The following BCAS3 variants were observed in gnomAD, a reference collection of about 807,000 sequenced individuals.
BCAS3 encodes the protein BCAS3 microtubule associated cell migration factor, also known as BCAS4/BCAS3 fusion.
BCAS3 carries 53 observed loss-of-function variants against 116.1 expected under a neutral mutation model. The observed-to-expected ratio is 0.46, with a 90% CI of 0.37 to 0.57. The LOEUF is 0.57. Among genes scored for constraint, BCAS3 ranks in the 20% least tolerant of loss-of-function variants. BCAS3 has a pLI of 0.00. For synonymous variants in BCAS3, 391 were observed against 408.2 expected, an observed-to-expected ratio of 0.96 and a Z score of 0.51; for missense variants, 917 against 1,165.4, an observed-to-expected ratio of 0.79 and a Z score of 3.10.
Position 61,063,651 on chromosome 17 carries a change from C to A in BCAS3, c.2030-11269C>A, listed in dbSNP as rs1600889304. ...CCATTGAAAGCTTTGCTGTAGTCTG[C>A]AGCTGATCTGGGTGCAATGCTTTAG... On this transcript the variant is annotated intron_variant, in intron 19 of 23. Coordinates refer to ENST00000407086, the MANE Select transcript of BCAS3 (RefSeq NM_017679.5). The surrounding 1 kb of genome is among the most constrained non-coding windows in gnomAD (Gnocchi z 5.3). Among the ~76,000 whole-genome samples, 1 of 152,180 alleles carries A rather than the reference C, an allele frequency of 6.6e-6. No homozygotes were observed. The highest frequency in any genetic ancestry group is 2.4e-5 in the African/African-American group (1 of 41,458).
At position 61,056,724 on chromosome 17, in the gene BCAS3, G is replaced by T. The variant is rs1246315122; in HGVS notation, c.2029+15832G>T. On this transcript the variant is annotated intron_variant, in intron 19 of 23. Transcript: ENST00000407086. This position sits in a 1 kb window ranked among gnomAD's most constrained non-coding sequence, Gnocchi z 4.9. ...GCCATCCTGTCCAGGAGACCCAGGGGTTTTATTATAACAAAATGGTTTTCC... is the reference window on the plus strand; with the variant it reads ...GCCATCCTGTCCAGGAGACCCAGGGTTTTTATTATAACAAAATGGTTTTCC... Among the ~76,000 whole-genome samples the T allele has an allele frequency of 6.6e-6, 1 of 152,144 alleles. No individual in the cohort carries two copies. Among genetic ancestry groups the T allele is most frequent in the Non-Finnish European group, 1.5e-5 (1 of 68,036 alleles).
intron 22 of BCAS3, among the ~76,000 whole-genome samples, chr17:61,195,955 T>C (rs1213081174): frequency 6.6e-6 from 1 of 152,230 alleles, no homozygotes; most frequent in Non-Finnish European, 1.5e-5. Context: ...CTTTTTGTGC[T>C]GTTAAAGTAT....
intron 22 of BCAS3, among the ~76,000 whole-genome samples, chr17:61,127,353 T>C (rs2143844286): frequency 1.3e-5 from 2 of 151,854 alleles, no homozygotes; most frequent in Admixed American, 1.3e-4. Context: ...AAGAGTGTTT[T>C]CTCGTGTAAG....
chr17:61,380,181 GA>G lies in BCAS3; in HGVS notation c.2593+11691del. The stretch of plus-strand genomic sequence containing the variant: ...AATCCACGGAAGCTGAGAGGAGGAA[GA>G]AAATCTGAGGGGTTACCCAGGATGC... On this transcript the variant is annotated intron_variant, in intron 23 of 23. Transcript: ENST00000407086. This position sits in a 1 kb window ranked among gnomAD's most constrained non-coding sequence, Gnocchi z 4.2. 3.2e-6 allele frequency: 1 copy of G among 315,870 alleles called. No homozygotes were observed. The highest frequency in any genetic ancestry group is 4.2e-5 in the South Asian group (1 of 23,660). 19.6% of individuals were successfully genotyped at this position (315,870 alleles called of 1,614,324 possible). A position where few individuals can be genotyped will look rare whatever the true frequency, so the allele number is the denominator to read the frequency against.
intron 5 of BCAS3, among the ~76,000 whole-genome samples, chr17:60,737,770 T>C (rs571604654): frequency 5.3e-5 from 8 of 151,920 alleles, no homozygotes; most frequent in African/African-American, 1.4e-4. Flanking sequence ...TCTGTTCTTT[T>C]ATTTTTTATT....
chr17:60,988,963 G>A (rs1568049076), intron 14 of BCAS3, among the ~76,000 whole-genome samples: 1 of 151,506 alleles, frequency 6.6e-6, no homozygotes, highest in Non-Finnish European at 1.5e-5. Flanking sequence ...TCTTTAAGAT[G>A]CATTGTTAGA....
At chr17:60,760,351 T>G (rs988125834) in intron 6 of BCAS3, among the ~76,000 whole-genome samples, 2 of 152,174 alleles carry the variant, frequency 1.3e-5, no homozygotes, top group Non-Finnish European at 2.9e-5. Context: ...CTTTCATGTT[T>G]AGGACTCCTT....
chr17:61,059,063 CTTTTTTTTTTTTTTTTTTTTTT>C (rs869090870), intron 19 of BCAS3, among the ~76,000 whole-genome samples: 7 of 32,802 alleles, frequency 2.1e-4, no homozygotes, highest in African/African-American at 2.9e-4. Context: ...TTCTCCCCAT[CTTTTTTTTTTTTTTTTTTTTTT>C]TTTTTTTTTT....
chr17:61,046,047 A>T (rs1282982388), intron 19 of BCAS3, among the ~76,000 whole-genome samples: 7 of 16,716 alleles, frequency 4.2e-4, no homozygotes, highest in South Asian at 3.4e-3. Flanking sequence ...ATATATATAT[A>T]ATATATATAT....
intron 7 of BCAS3, among the ~76,000 whole-genome samples, chr17:60,862,627 A>G (rs1204418403): frequency 1.3e-5 from 2 of 152,100 alleles, no homozygotes; most frequent in African/African-American, 2.4e-5. Flanking sequence ...TGTTGCATGC[A>G]TCATCACTGT....
Position 61,332,060 on chromosome 17 carries a change from C to T in BCAS3, c.2426-36267C>T, listed in dbSNP as rs986241486. 6.6e-6 allele frequency among the ~76,000 whole-genome samples: 1 copy of T among 152,156 alleles called. No homozygotes were observed. The highest frequency in any genetic ancestry group is 2.4e-5 in the African/African-American group (1 of 41,422). ...TGCGTGTCTGGTTTGGCATGTGGGT[C>T]TCGACCTCCCATGAGCAGGGCGAGG... On this transcript the variant is annotated intron_variant, in intron 22 of 23. Coordinates refer to ENST00000407086, the MANE Select transcript of BCAS3 (RefSeq NM_017679.5). This position sits in a 1 kb window ranked among gnomAD's most constrained non-coding sequence, Gnocchi z 5.4.
chr17:60,987,115 G>A (rs917534126), intron 14 of BCAS3: 1 of 151,836 alleles, frequency 6.6e-6, no homozygotes, highest in Non-Finnish European at 1.5e-5. Context: ...TGTTATTGAC[G>A]TCTTTGTTGA....
chr17:61,211,360 C>T lies in BCAS3; in HGVS notation c.2425+126796C>T, dbSNP rs2144335149. Among the ~76,000 whole-genome samples, 2 of 152,320 alleles carry T rather than the reference C, an allele frequency of 1.3e-5. 1 individual carries two copies. The highest frequency in any genetic ancestry group is 3.9e-4 in the East Asian group (2 of 5,178). On this transcript the variant is annotated intron_variant, in intron 22 of 23. Coordinates refer to ENST00000407086, the MANE Select transcript of BCAS3 (RefSeq NM_017679.5). The surrounding 1 kb of genome is among the most constrained non-coding windows in gnomAD (Gnocchi z 4.4). Reference sequence around the variant, plus strand: ...CATCCAGAGACTCCAGCCTCTTTGACAGTCATTCTCCCACTGTGTCCCTTT... The same window carrying T: ...CATCCAGAGACTCCAGCCTCTTTGATAGTCATTCTCCCACTGTGTCCCTTT...
At chr17:61,062,134 T>G (rs935107665) in intron 19 of BCAS3, among the ~76,000 whole-genome samples, 5 of 152,190 alleles carry the variant, frequency 3.3e-5, no homozygotes, top group African/African-American at 1.2e-4. Context: ...CTGTATCAAT[T>G]GTATTGTTCC....
intron 22 of BCAS3, among the ~76,000 whole-genome samples, chr17:61,260,418 G>C (rs1019612244): frequency 6.6e-6 from 1 of 152,216 alleles, no homozygotes; most frequent in Non-Finnish European, 1.5e-5. Flanking sequence ...TAGAAAATGA[G>C]AGAGTTGGCA....
At chr17:60,690,120 T>C (rs1403738170) in intron 4 of BCAS3, among the ~76,000 whole-genome samples, 4 of 152,204 alleles carry the variant, frequency 2.6e-5, no homozygotes, top group African/African-American at 7.2e-5. Context: ...GGCTTGAAAA[T>C]TGTTTTTTTC....
Position 61,348,519 on chromosome 17 carries a change from G to A in BCAS3, c.2426-19808G>A, listed in dbSNP as rs898340747. ...AGAGAAAGAAGAGAAGAGGACTGAG[G>A]GCACCAAAATTTGAGTTGCAGAGAG... On this transcript the variant is annotated intron_variant, in intron 22 of 23. Transcript: ENST00000407086. This position sits in a 1 kb window ranked among gnomAD's most constrained non-coding sequence, Gnocchi z 4.5. Among the ~76,000 whole-genome samples, 2 of 151,976 alleles carry A rather than the reference G, an allele frequency of 1.3e-5. No homozygotes were observed. The highest frequency in any genetic ancestry group is 2.4e-5 in the African/African-American group (1 of 41,350).
chr17:61,050,924 A>G (rs1054340303), intron 19 of BCAS3, among the ~76,000 whole-genome samples: 1 of 152,076 alleles, frequency 6.6e-6, no homozygotes, highest in East Asian at 1.9e-4. Flanking sequence ...AGTCATACAA[A>G]GTATATTCCC....
At chr17:61,101,954 A>G (rs1267656333) in intron 22 of BCAS3, among the ~76,000 whole-genome samples, 1 of 152,182 alleles carries the variant, frequency 6.6e-6, no homozygotes, top group Admixed American at 6.5e-5. Flanking sequence ...TGATAAAAAT[A>G]CTAATAAATT....
Sources: gnomAD v4.1 joint callset for allele counts (sites outside exome capture counted in the v4.1 genomes callset) on GRCh38, gnomAD v4.1.1 for gene constraint, Gnocchi (gnomAD v3.1) non-coding constraint, MANE v1.5 for transcripts, NCBI Gene and HGNC (gene_info 2026-07-23, HGNC 2026-07-21) for gene names.